ROBO2: variants seen among roughly 807,000 people sequenced by gnomAD.
ROBO2 encodes the protein roundabout guidance receptor 2, also known as roundabout homolog 2.
A neutral mutation model predicts 160.8 loss-of-function variants in ROBO2; 53 were observed. That is an observed-to-expected ratio of 0.33 (90% CI 0.26 to 0.41). The LOEUF (loss-of-function observed/expected upper bound fraction) is 0.41. Among genes scored for constraint, ROBO2 ranks in the 10% least tolerant of loss-of-function variants. ROBO2 has a pLI of 1.00. For synonymous variants in ROBO2, 664 were observed against 611.7 expected, an observed-to-expected ratio of 1.09 and a Z score of -1.26; for missense variants, 1,577 against 1,722.4, an observed-to-expected ratio of 0.92 and a Z score of 1.49.
In ROBO2 at chr3:76,906,163, A is replaced by G. The variant is rs535768927; in HGVS notation, c.110-191851A>G. Among the ~76,000 whole-genome samples the G allele has an allele frequency of 4.9e-4, 75 of 152,252 alleles. 1 individual carries two copies. Among genetic ancestry groups the G allele is most frequent in the Non-Finnish European group, 7.4e-5 (5 of 67,982 alleles). ...AAGATCTACTAATAATTCTCATGTC[A>G]AAAACTGACATTCATAAAATTATTA... On this transcript the variant is annotated intron_variant, in intron 2 of 26. Transcript: ENST00000487694.
chr3:77,180,864 A>G (rs572683734), intron 2 of ROBO2, among the ~76,000 whole-genome samples: 1 of 152,186 alleles, frequency 6.6e-6, no homozygotes, highest in African/African-American at 2.4e-5. Flanking sequence ...ATATCTACCC[A>G]TAAAAATCCA....
chr3:76,929,700 G>A (rs1460442132), intron 2 of ROBO2, among the ~76,000 whole-genome samples: 1 of 151,664 alleles, frequency 6.6e-6, no homozygotes, highest in Non-Finnish European at 1.5e-5. Context: ...GTGGATCTCA[G>A]GGTAGAAGAG....
chr3:76,121,957 A>G (rs759014110), intron 2 of ROBO2, among the ~76,000 whole-genome samples: 17 of 152,186 alleles, frequency 1.1e-4, no homozygotes, highest in Non-Finnish European at 2.2e-4. Flanking sequence ...TAAATGCTCT[A>G]TTCCTCAATG....
chr3:75,934,559 A>G (rs979201894), intron 1 of ROBO2, among the ~76,000 whole-genome samples: 65 of 152,308 alleles, frequency 4.3e-4, no homozygotes, highest in African/African-American at 1.5e-3. Context: ...TACCAAAGTT[A>G]GTTAGAAGGT....
chr3:76,379,790 T>C (rs1174674064), intron 2 of ROBO2, among the ~76,000 whole-genome samples: 1 of 152,162 alleles, frequency 6.6e-6, no homozygotes, highest in East Asian at 1.9e-4. Flanking sequence ...TAAGCAACAA[T>C]ATGAAATAGT....
chr3:77,220,461 AC>A (rs2151191175), intron 2 of ROBO2, among the ~76,000 whole-genome samples: 1 of 152,256 alleles, frequency 6.6e-6, no homozygotes, highest in African/African-American at 2.4e-5. Context: ...TCAATGCTTT[AC>A]ATATATTAAA....
chr3:76,098,230 G>T (rs1051724436), intron 2 of ROBO2, among the ~76,000 whole-genome samples: 1 of 152,084 alleles, frequency 6.6e-6, no homozygotes, highest in Non-Finnish European at 1.5e-5. Flanking sequence ...AATTCCTGTG[G>T]TAAGGAATTT....
intron 2 of ROBO2, among the ~76,000 whole-genome samples, chr3:76,830,925 G>C (rs1159388566): frequency 2.0e-5 from 3 of 152,046 alleles, no homozygotes; most frequent in Admixed American, 6.6e-5. Flanking sequence ...GAAGATGTAG[G>C]CTCTAACGAG....
chr3:77,416,647 G>A (rs1416565876), intron 2 of ROBO2, among the ~76,000 whole-genome samples: 1 of 149,576 alleles, frequency 6.7e-6, no homozygotes, highest in Non-Finnish European at 1.5e-5. Flanking sequence ...AAACCAGGAG[G>A]CAGAGGTTGC....
intron 2 of ROBO2, among the ~76,000 whole-genome samples, chr3:75,942,893 G>A (rs888342817): frequency 1.3e-4 from 20 of 152,234 alleles, no homozygotes; most frequent in African/African-American, 4.6e-4. Context: ...ACATCTGAAT[G>A]TTGTTTTCTT....
chr3:77,441,473 C>T (rs535011605), intron 2 of ROBO2, among the ~76,000 whole-genome samples: 6 of 151,964 alleles, frequency 3.9e-5, no homozygotes, highest in East Asian at 1.9e-4. Context: ...AAAAACCCAA[C>T]GCTTTAACTT....
intron 2 of ROBO2, among the ~76,000 whole-genome samples, chr3:76,159,898 A>G (rs2072554459): frequency 6.6e-6 from 1 of 152,120 alleles, no homozygotes; most frequent in Admixed American, 6.6e-5. Context: ...AAGATGTCAG[A>G]AGGATCTAAG....
intron 5 of ROBO2, among the ~76,000 whole-genome samples, chr3:77,501,707 T>C (rs1378984513): frequency 6.6e-6 from 1 of 151,626 alleles, no homozygotes; most frequent in Non-Finnish European, 1.5e-5. Flanking sequence ...TTTTTTTCAA[T>C]AGAAGAAAAA....
chr3:76,209,581 G>A (rs920678617), intron 2 of ROBO2, among the ~76,000 whole-genome samples: 1 of 152,108 alleles, frequency 6.6e-6, no homozygotes, highest in African/African-American at 2.4e-5. Flanking sequence ...GGGCAAGACT[G>A]TCTCTTCTAT....
chr3:77,122,135 C>T lies in ROBO2; in HGVS notation c.388+23795C>T, dbSNP rs75398063. Among the ~76,000 whole-genome samples, 149 of 152,230 alleles carry T rather than the reference C, an allele frequency of 9.8e-4. 4 individuals carry two copies. The East Asian group carries it at 0.028, about 28-fold the overall frequency. On this transcript the variant is annotated intron_variant, in intron 2 of 25. Coordinates refer to ENST00000461745, the Ensembl canonical transcript of ROBO2. The stretch of plus-strand genomic sequence containing the variant: ...TGAATATAAAGTGCAACGAGACTTT[C>T]TGATTATGGGAGTTCAGGATCTTGA...
intron 2 of ROBO2, among the ~76,000 whole-genome samples, chr3:76,742,370 T>C (rs751093532): frequency 6.6e-6 from 1 of 152,146 alleles, no homozygotes; most frequent in Admixed American, 6.6e-5. Flanking sequence ...AGTTGTCCTT[T>C]ACCCACTGGA....
chr3:77,225,622 G>GATTTAAATTCAGTAAATC lies in ROBO2; in HGVS notation c.388+127289_388+127290insTTCAGTAAATCATTTAAA, dbSNP rs1430245057. Among the ~76,000 whole-genome samples, 9 of 151,864 alleles carry GATTTAAATTCAGTAAATC rather than the reference G, an allele frequency of 5.9e-5. No individual in the cohort carries two copies. In the South Asian group the frequency reaches 1.9e-3, roughly 32 times the overall value. On this transcript the variant is annotated intron_variant, in intron 2 of 25. Transcript: ENST00000461745. ...TCTGTGGGTCATTTTTGATTAACCTGATTTAAAATAAAATGATTTACTAAA... is the reference window on the plus strand; with the variant it reads ...TCTGTGGGTCATTTTTGATTAACCTGATTTAAATTCAGTAAATCATTTAAAATAAAATGATTTACTAAA...
chr3:76,416,512 A>C (rs1421564757), intron 2 of ROBO2, among the ~76,000 whole-genome samples: 2 of 152,200 alleles, frequency 1.3e-5, no homozygotes, highest in Non-Finnish European at 2.9e-5. Context: ...TGTAATTAAA[A>C]ATTACTTTAA....
chr3:77,398,768 A>G (rs2075528220), intron 2 of ROBO2, among the ~76,000 whole-genome samples: 1 of 151,514 alleles, frequency 6.6e-6, no homozygotes, highest in Non-Finnish European at 1.5e-5. Context: ...TTTTTTTGGT[A>G]GAGAGCGGGG....
Sources: gnomAD v4.1 joint callset for allele counts (sites outside exome capture counted in the v4.1 genomes callset) on GRCh38, gnomAD v4.1.1 for gene constraint, MANE v1.5 for transcripts, NCBI Gene and HGNC (gene_info 2026-07-23, HGNC 2026-07-21) for gene names.